The following SRSF11 variants were observed in gnomAD, a reference collection of about 807,000 sequenced individuals.
SRSF11 encodes serine and arginine rich splicing factor 11, also known as serine/arginine-rich splicing factor 11.
In SRSF11, 9 loss-of-function variants were observed where a neutral mutation model predicts 56.0. The ratio of observed to expected loss-of-function variants is 0.16; its 90% CI spans 0.10 to 0.28. The LOEUF is 0.28. SRSF11 is among the 10% of genes least tolerant of loss of function. The pLI is 1.00. For missense variants in SRSF11, 421 were observed against 600.7 expected, an observed-to-expected ratio of 0.70 and a Z score of 3.13; for synonymous variants, 222 against 215.3, an observed-to-expected ratio of 1.03 and a Z score of -0.27.
intron 7 of SRSF11, among the ~76,000 whole-genome samples, chr1:70,241,940 C>T (rs971249335): frequency 1.3e-5 from 2 of 151,964 alleles, no homozygotes; most frequent in African/African-American, 2.4e-5. Flanking sequence ...GAGGCCGAGG[C>T]GGAGGATCAC....
chr1:70,250,868 T>G lies in SRSF11; in HGVS notation c.*63T>G. The G allele has an allele frequency of 6.9e-7, 1 of 1,441,348 alleles. No homozygotes were observed. The highest frequency in any genetic ancestry group is 1.7e-5 in the Admixed American group (1 of 58,868). 89.3% of individuals were successfully genotyped at this position (1,441,348 alleles called of 1,614,324 possible). A position where few individuals can be genotyped will look rare whatever the true frequency, so the allele number is the denominator to read the frequency against. On this transcript the variant is annotated 3_prime_UTR_variant, in exon 12 of 12. Coordinates refer to ENST00000370949, the MANE Select transcript of SRSF11 (RefSeq NM_001350605.2). The stretch of plus-strand genomic sequence containing the variant: ...CAGTGTCATTCCTTTGTGTGATTTC[T>G]TAATGCTGTATTTGTTCATCTCAAA...
chr1:70,211,439 G>A (rs1669552685), intron 1 of SRSF11, among the ~76,000 whole-genome samples: 1 of 152,060 alleles, frequency 6.6e-6, no homozygotes, highest in East Asian at 1.9e-4. Context: ...ATGTAGCAAA[G>A]CTCGCCTACA....
intron 1 of SRSF11, among the ~76,000 whole-genome samples, chr1:70,223,197 T>C (rs2100616077): frequency 6.6e-6 from 1 of 152,292 alleles, no homozygotes; most frequent in East Asian, 1.9e-4. Flanking sequence ...TAGTGATACA[T>C]TGGATGATTT....
chr1:70,231,334 A>G (rs1672805070), intron 2 of SRSF11: 1 of 1,149,314 alleles, frequency 8.7e-7, no homozygotes, highest in African/African-American at 1.6e-5. Context: ...AGATTAATCC[A>G]TCTGTATAGG....
intron 9 of SRSF11, chr1:70,247,154 G>A (rs1676940912): frequency 9.9e-7 from 1 of 1,007,726 alleles, no homozygotes; most frequent in South Asian, 4.3e-5. Flanking sequence ...AGAGAGGTGA[G>A]TTTTTCTCTT....
chr1:70,250,848 T>C lies in SRSF11; in HGVS notation c.*43T>C. 3 of 1,537,846 alleles carry C rather than the reference T, an allele frequency of 2.0e-6. No homozygotes were observed. The highest frequency in any genetic ancestry group is 2.2e-5 in the East Asian group (1 of 44,456). ...GTCCAACTGTATACCTGCATCAGTG[T>C]CATTCCTTTGTGTGATTTCTTAATG... On this transcript the variant is annotated 3_prime_UTR_variant, in exon 12 of 12. Transcript: ENST00000370949.
intron 3 of SRSF11, among the ~76,000 whole-genome samples, chr1:70,233,237 TTTTG>T (rs1471185461): frequency 2.6e-5 from 4 of 151,964 alleles, no homozygotes; most frequent in South Asian, 2.1e-4. Flanking sequence ...TTGTTTTTTG[TTTTG>T]TTTGTTTTTG....
Position 70,250,523 on chromosome 1 carries a change from T to G in SRSF11, c.1257+20T>G, listed in dbSNP as rs1558237958. On this transcript the variant is annotated intron_variant, in intron 11 of 11. Coordinates refer to ENST00000370949, the MANE Select transcript of SRSF11 (RefSeq NM_001350605.2). ...GTAAAAGTATGTTTACAAATTGATT[T>G]ATTTTTATATTTGGGGTGATGTTGG... 6.2e-7 allele frequency: 1 copy of G among 1,606,726 alleles called. No homozygotes were observed. Among genetic ancestry groups the G allele is most frequent in the East Asian group, 2.2e-5 (1 of 44,808 alleles).
intron 2 of SRSF11, 25 bp downstream of exon 2, chr1:70,228,580 T>C: frequency 6.2e-7 from 1 of 1,605,530 alleles, no homozygotes; most frequent in Non-Finnish European, 8.5e-7. Flanking sequence ...TAACTACCTA[T>C]GTGGGCATCC....
chr1:70,227,907 A>G (rs1672156116), intron 1 of SRSF11, among the ~76,000 whole-genome samples: 1 of 152,196 alleles, frequency 6.6e-6, no homozygotes, highest in African/African-American at 2.4e-5. Context: ...GAGTTCTTAC[A>G]TGCTGTGGGT....
At chr1:70,245,618 A>G (rs1044596321) in intron 8 of SRSF11, among the ~76,000 whole-genome samples, 4 of 152,200 alleles carry the variant, frequency 2.6e-5, no homozygotes, top group Non-Finnish European at 5.9e-5. Context: ...TGATATTGGA[A>G]GAGGTTTGAG....
intron 7 of SRSF11, among the ~76,000 whole-genome samples, chr1:70,241,404 G>C (rs548322217): frequency 6.6e-6 from 1 of 152,064 alleles, no homozygotes; most frequent in Non-Finnish European, 1.5e-5. Context: ...GGGTTATCCT[G>C]TATGCTATGT....
In SRSF11 at chr1:70,251,113, G is replaced by A. The variant is rs763066543; in HGVS notation, c.*308G>A. 5.4e-5 allele frequency: 14 copies of A among 258,478 alleles called. No homozygotes were observed. Among genetic ancestry groups the A allele is most frequent in the East Asian group, 2.2e-4 (3 of 13,718 alleles). The allele number at this position is 258,478 out of a possible 1,614,324, so 16.0% of individuals were successfully genotyped here. On this transcript the variant is annotated 3_prime_UTR_variant, in exon 12 of 12. Transcript: ENST00000370949. ...ACAGCAGGCATGGATTGTTTATGTCGTATGATATCCTTTATTAAGTAAGTT... is the reference window on the plus strand; with the variant it reads ...ACAGCAGGCATGGATTGTTTATGTCATATGATATCCTTTATTAAGTAAGTT...
At chr1:70,231,562 T>C in intron 2 of SRSF11, 1 of 1,107,164 alleles carries the variant, frequency 9.0e-7, no homozygotes, top group Non-Finnish European at 1.1e-6. Flanking sequence ...CATTTTACTG[T>C]ACAGGTAAGG....
chr1:70,205,699 AG>A, upstream of SRSF11: 1 of 647,082 alleles, frequency 1.5e-6, no homozygotes, highest in South Asian at 3.2e-5. Context: ...AGATGTCGTC[AG>A]CACCAGCGCC....
Position 70,251,774 on chromosome 1 carries a change from A to G in SRSF11, c.*969A>G, listed in dbSNP as rs1677991273. ...CTACTTGATAATGTACCTTTATTTG[A>G]TCTCAAGTTGTATAAAACCAATAAA... is the stretch of plus-strand genomic sequence containing the variant. On this transcript the variant is annotated 3_prime_UTR_variant, in exon 12 of 12. Transcript: ENST00000370949. The G allele has an allele frequency of 6.6e-6, 1 of 152,542 alleles. No individual in the cohort carries two copies. The highest frequency in any genetic ancestry group is 1.5e-5 in the Non-Finnish European group (1 of 67,976). 9.4% of individuals were successfully genotyped at this position (152,542 alleles called of 1,614,324 possible).
chr1:70,217,139 G>GT (rs926218290), upstream of SRSF11, among the ~76,000 whole-genome samples: 34 of 151,586 alleles, frequency 2.2e-4, no homozygotes, highest in East Asian at 3.9e-3. Flanking sequence ...GGTTTTTTGT[G>GT]TTTTTTTTGT....
chr1:70,217,320 G>A (rs540595706), upstream of SRSF11, among the ~76,000 whole-genome samples: 6 of 152,080 alleles, frequency 3.9e-5, no homozygotes, highest in East Asian at 5.8e-4. Context: ...CACCATGCTC[G>A]GCTAATTTTG....
rs535373140 is a variant in SRSF11 at position 70,210,703 on chromosome 1, A to G, written c.-26+4923A>G. Among the ~76,000 whole-genome samples the G allele has an allele frequency of 1.1e-4, 17 of 152,290 alleles. No homozygotes were observed. In the East Asian group the frequency reaches 3.1e-3, roughly 28 times the overall value. ...GTACTCCAGCCTGGACAACAGAGCG[A>G]GACCCTGTAGGGAATTACAGGGATG... is the stretch of plus-strand genomic sequence containing the variant. On this transcript the variant is annotated intron_variant, in intron 1 of 12. Coordinates refer to the SRSF11 transcript ENST00000370950.
Sources: gnomAD v4.1 joint callset for allele counts (sites outside exome capture counted in the v4.1 genomes callset) on GRCh38, gnomAD v4.1.1 for gene constraint, MANE v1.5 for transcripts, NCBI Gene and HGNC (gene_info 2026-07-23, HGNC 2026-07-21) for gene names.